Variants in FAM169A observed in about 807,000 individuals in gnomAD.
FAM169A encodes the protein family with sequence similarity 169 member A.
FAM169A carries 24 observed loss-of-function variants against 75.7 expected under a neutral mutation model. That is an observed-to-expected ratio of 0.32 (90% CI 0.23 to 0.45). The LOEUF (loss-of-function observed/expected upper bound fraction) is 0.45. FAM169A is among the 20% of genes least tolerant of loss of function. The pLI, the probability that FAM169A is intolerant of heterozygous loss-of-function variation, is 1.00. For missense variants in FAM169A, 673 were observed against 784.0 expected, an observed-to-expected ratio of 0.86 and a Z score of 1.69; for synonymous variants, 271 against 271.0, an observed-to-expected ratio of 1.00 and a Z score of 0.00.
chr5:74,819,303 G>C (rs1218968217), intron 5 of FAM169A, among the ~76,000 whole-genome samples: 1 of 151,802 alleles, frequency 6.6e-6, no homozygotes, highest in African/African-American at 2.4e-5. Context: ...GCAAAAAGAT[G>C]CTCAACATTC....
At chr5:74,786,087 G>C (rs1335885182) in intron 11 of FAM169A, among the ~76,000 whole-genome samples, 2 of 152,172 alleles carry the variant, frequency 1.3e-5, no homozygotes, top group African/African-American at 4.8e-5. Context: ...GATTAGACCA[G>C]CTTAGCCTCC....
intron 10 of FAM169A, among the ~76,000 whole-genome samples, chr5:74,796,975 G>C (rs6883061): frequency 6.6e-6 from 1 of 151,894 alleles, no homozygotes; most frequent in African/African-American, 2.4e-5. Flanking sequence ...CTCTGCTTCA[G>C]GCCCCAGTTC....
chr5:74,788,682 G>A (rs1303881508), intron 11 of FAM169A, among the ~76,000 whole-genome samples: 1 of 151,070 alleles, frequency 6.6e-6, no homozygotes, highest in Non-Finnish European at 1.5e-5. Flanking sequence ...TCCAGCCTGG[G>A]CAACAACAGC....
At chr5:74,790,897 A>AGCAGAG (rs1355604846) in intron 11 of FAM169A, among the ~76,000 whole-genome samples, 2 of 152,302 alleles carry the variant, frequency 1.3e-5, no homozygotes, top group East Asian at 3.9e-4. Flanking sequence ...TCATGGAAAG[A>AGCAGAG]GCAGAGGTTT....
intron 11 of FAM169A, among the ~76,000 whole-genome samples, chr5:74,793,832 T>C (rs1400023086): frequency 6.6e-6 from 1 of 151,364 alleles, no homozygotes; most frequent in African/African-American, 2.4e-5. Context: ...TGAAACCCCG[T>C]CTCTACTAAA....
chr5:74,792,517 C>A (rs557140468), intron 11 of FAM169A, among the ~76,000 whole-genome samples: 3,606 of 129,854 alleles, frequency 0.028, 143 homozygotes, highest in African/African-American at 0.13. Context: ...GGACTGGCTT[C>A]CTTGCTTCCT....
chr5:74,839,956 T>C, intron 3 of FAM169A, 118 bp downstream of exon 3: 1 of 549,254 alleles, frequency 1.8e-6, no homozygotes, highest in Non-Finnish European at 3.2e-6. Context: ...TTAATAAAAT[T>C]ACAATTTGAA....
chr5:74,784,609 A>T (rs1408589610), intron 11 of FAM169A, among the ~76,000 whole-genome samples: 99 of 1,764 alleles, frequency 0.056, no homozygotes, highest in African/African-American at 0.08. Context: ...ACCCAGGCTA[A>T]AAAAAAAAAA....
chr5:74,794,854 C>T (rs757212374), intron 11 of FAM169A, among the ~76,000 whole-genome samples: 8 of 151,350 alleles, frequency 5.3e-5, no homozygotes, highest in Non-Finnish European at 8.8e-5. Context: ...ACTCGGGAGG[C>T]AGAGGCAGGA....
intron 2 of FAM169A, 59 bp downstream of exon 2, chr5:74,841,482 ATATT>A (rs1218702999): frequency 2.4e-6 from 3 of 1,255,938 alleles, no homozygotes; most frequent in Middle Eastern, 2.0e-4. Context: ...TTAAAAAAGG[ATATT>A]TATTTCATGT....
intron 11 of FAM169A, among the ~76,000 whole-genome samples, chr5:74,787,938 A>C (rs1745778771): frequency 6.6e-6 from 1 of 152,154 alleles, no homozygotes; most frequent in East Asian, 1.9e-4. Context: ...CACTTTATAG[A>C]CCCAGAACAC....
At chr5:74,825,696 GA>G (rs1410526199) in intron 5 of FAM169A, among the ~76,000 whole-genome samples, 1 of 152,126 alleles carries the variant, frequency 6.6e-6, no homozygotes, top group African/African-American at 2.4e-5. Context: ...GAACACACTG[GA>G]AATCACTTTA....
chr5:74,839,096 CT>C, intron 3 of FAM169A, 46 bp from the exon 4 acceptor site: 1 of 1,370,298 alleles, frequency 7.3e-7, no homozygotes, highest in Non-Finnish European at 1.0e-6. Context: ...TTAAAGTACA[CT>C]TTTAGACTTA....
intron 12 of FAM169A, 29 bp downstream of exon 12, chr5:74,782,902 T>C: frequency 6.4e-7 from 1 of 1,560,068 alleles, no homozygotes; most frequent in Non-Finnish European, 8.8e-7. Context: ...TGGTAAACTT[T>C]ATTAAAAAAT....
At position 74,827,806 on chromosome 5, in the gene FAM169A, G is replaced by C. The variant is rs567489672; in HGVS notation, c.490+6620C>G. On this transcript the variant is annotated intron_variant, in intron 5 of 12. Coordinates refer to ENST00000687041, the MANE Select transcript of FAM169A (RefSeq NM_001376049.1). ...GCCTCCTGAGTAGCTGGAATTACAG[G>C]AACCCGCCATCATGCCCGGCTAATT... is the stretch of plus-strand genomic sequence containing the variant. Among the ~76,000 whole-genome samples, 12 of 151,718 alleles carry C rather than the reference G, an allele frequency of 7.9e-5. 1 individual carries two copies. The South Asian group carries it at 2.5e-3, about 32-fold the overall frequency.
chr5:74,814,771 G>C (rs1747384152), intron 5 of FAM169A, among the ~76,000 whole-genome samples: 1 of 152,162 alleles, frequency 6.6e-6, no homozygotes, highest in South Asian at 2.1e-4. Flanking sequence ...CATTCCAATA[G>C]ATGTATTAAC....
intron 10 of FAM169A, chr5:74,799,781 T>C: frequency 9.0e-7 from 1 of 1,114,720 alleles, no homozygotes; most frequent in Admixed American, 1.7e-5. Flanking sequence ...CCGTGGCTGC[T>C]GGCCATGACT....
At chr5:74,863,448 G>C (rs527478321) in intron 1 of FAM169A, among the ~76,000 whole-genome samples, 1 of 152,154 alleles carries the variant, frequency 6.6e-6, no homozygotes, top group African/African-American at 2.4e-5. Flanking sequence ...TAAAATCTTA[G>C]GGGAAGGAAC....
rs1745394983 is a variant in FAM169A at position 74,781,262 on chromosome 5, C to T, written c.*198G>A. 2.0e-6 allele frequency: 1 copy of T among 492,056 alleles called. No homozygotes were observed. The highest frequency in any genetic ancestry group is 3.5e-6 in the Non-Finnish European group (1 of 282,484). The allele number at this position is 492,056 out of a possible 1,614,324, so 30.5% of individuals were successfully genotyped here. On this transcript the variant is annotated 3_prime_UTR_variant, in exon 13 of 13. Coordinates refer to ENST00000687041, the MANE Select transcript of FAM169A (RefSeq NM_001376049.1). The stretch of plus-strand genomic sequence containing the variant: ...TAATAAAAATAAAAAATTGCATTTA[C>T]CAAAAATAGCCTGGAAAATTAAAAA...
Sources: gnomAD v4.1 joint callset for allele counts (sites outside exome capture counted in the v4.1 genomes callset) on GRCh38, gnomAD v4.1.1 for gene constraint, MANE v1.5 for transcripts, NCBI Gene and HGNC (gene_info 2026-07-23, HGNC 2026-07-21) for gene names.